Variants in EFCAB5 observed in about 807,000 individuals in gnomAD.
EFCAB5 encodes the protein EF-hand calcium binding domain 5.
A neutral mutation model predicts 167.9 loss-of-function variants in EFCAB5; 131 were observed. The ratio of observed to expected loss-of-function variants is 0.78; its 90% CI spans 0.68 to 0.90. EFCAB5 has a LOEUF of 0.90. EFCAB5 is among the 40% of genes least tolerant of loss of function. The probability of loss-of-function intolerance (pLI) is 0.00; values close to 1 mark genes in which losing one functional copy is unlikely to be tolerated. For synonymous variants in EFCAB5, 574 were observed against 602.8 expected (o/e 0.95, Z 0.70); for missense variants, 1,663 against 1,745.2 (o/e 0.95, Z 0.84).
chr17:30,047,909 C>T (rs914631483), intron 8 of EFCAB5, among the ~76,000 whole-genome samples: 1 of 152,068 alleles, frequency 6.6e-6, no homozygotes, highest in Non-Finnish European at 1.5e-5. Flanking sequence ...GGGAAGAATT[C>T]GACAAGACTT....
Position 30,040,312 on chromosome 17 carries a change from C to T in EFCAB5, c.1200+5927C>T, listed in dbSNP as rs58126602. 2.7e-4 allele frequency among the ~76,000 whole-genome samples: 41 copies of T among 152,322 alleles called. No homozygotes were observed. The East Asian group carries it at 6.6e-3, about 24-fold the overall frequency. On this transcript the variant is annotated intron_variant, in intron 8 of 22. Coordinates refer to ENST00000394835, the MANE Select transcript of EFCAB5 (RefSeq NM_198529.4). ...TCCAATGACAAGGGGAAAAATTTGG[C>T]GTTCCTTGGAGACTTAACAGGATGC...
At chr17:30,034,540 T>C (rs1391441242) in intron 8 of EFCAB5, among the ~76,000 whole-genome samples, 155 bp downstream of exon 8, 1 of 152,170 alleles carries the variant, frequency 6.6e-6, no homozygotes, top group East Asian at 1.9e-4. Flanking sequence ...ATCTACAAAA[T>C]AGATACAAAC....
At chr17:30,099,440 T>A (rs1194168209) in intron 22 of EFCAB5, among the ~76,000 whole-genome samples, 1 of 146,376 alleles carries the variant, frequency 6.8e-6, no homozygotes, top group Non-Finnish European at 1.5e-5. Flanking sequence ...AAAAAAAAAA[T>A]AGGCAAAGAT....
intron 8 of EFCAB5, among the ~76,000 whole-genome samples, chr17:30,042,154 G>A (rs776358484): frequency 2.7e-4 from 41 of 151,804 alleles, no homozygotes; most frequent in African/African-American, 8.2e-4. Context: ...GATTACAGGC[G>A]CGCACCACCA....
chr17:29,966,192 G>C (rs778821689), intron 3 of EFCAB5, among the ~76,000 whole-genome samples: 1 of 152,100 alleles, frequency 6.6e-6, no homozygotes, highest in Non-Finnish European at 1.5e-5. Flanking sequence ...ATTACAAATG[G>C]AAACTCCATT....
chr17:30,099,409 AAAGT>A (rs1186103648), intron 22 of EFCAB5, among the ~76,000 whole-genome samples: 3 of 149,598 alleles, frequency 2.0e-5, no homozygotes, highest in South Asian at 2.2e-4. Context: ...CCTGGGCAAC[AAAGT>A]AAGACTTAAT....
At chr17:29,980,987 T>C (rs1262445043) in intron 4 of EFCAB5, among the ~76,000 whole-genome samples, 5 of 152,210 alleles carry the variant, frequency 3.3e-5, no homozygotes, top group Non-Finnish European at 7.3e-5. Context: ...TTAAATTTGT[T>C]CATTTCTGAC....
intron 8 of EFCAB5, among the ~76,000 whole-genome samples, chr17:30,039,648 A>G (rs756322725): frequency 2.0e-5 from 3 of 152,158 alleles, no homozygotes; most frequent in Non-Finnish European, 4.4e-5. Context: ...CCGAGGAGGG[A>G]TGTGCCGACT....
chr17:30,082,390 C>CTT (rs71138871), intron 17 of EFCAB5, among the ~76,000 whole-genome samples: 3,239 of 98,174 alleles, frequency 0.033, 108 homozygotes, highest in African/African-American at 0.045. Flanking sequence ...CTTTATACCT[C>CTT]TTTTTTTTTT....
intron 3 of EFCAB5, among the ~76,000 whole-genome samples, chr17:29,950,178 A>G (rs77259528): frequency 0.064 from 9,705 of 152,222 alleles, 579 homozygotes; most frequent in African/African-American, 0.16. Flanking sequence ...TCTATCGAAC[A>G]TGAGGACAAT....
At chr17:30,036,287 CACATATATAATATATAATT>C (rs2069621053) in intron 8 of EFCAB5, among the ~76,000 whole-genome samples, 1 of 61,184 alleles carries the variant, frequency 1.6e-5, no homozygotes, top group Non-Finnish European at 3.3e-5. Flanking sequence ...ATATATAATA[CACATATATAATATATAATT>C]ATATATAATA....
Position 30,055,869 on chromosome 17 carries a change from T to A in EFCAB5, c.2195-19T>A. On this transcript the variant is annotated intron_variant, in intron 10 of 22. Coordinates refer to ENST00000394835, the MANE Select transcript of EFCAB5 (RefSeq NM_198529.4). ...TATGTAATGTCTAATTCATAAGCAT[T>A]TTCATTTGCACCTTTTAGAAACTAC... 6 of 1,607,332 alleles carry A rather than the reference T, an allele frequency of 3.7e-6. No homozygotes were observed. The highest frequency in any genetic ancestry group is 5.1e-6 in the Non-Finnish European group (6 of 1,178,000).
chr17:29,989,560 C>T (rs1324878437), intron 4 of EFCAB5, among the ~76,000 whole-genome samples: 1 of 152,138 alleles, frequency 6.6e-6, no homozygotes, highest in Non-Finnish European at 1.5e-5. Context: ...CTATTAAAGG[C>T]CAATTTTTTG....
Position 29,957,677 on chromosome 17 carries a change from G to A in EFCAB5, c.191-11114G>A, listed in dbSNP as rs1048593630. Among the ~76,000 whole-genome samples the A allele has an allele frequency of 3.7e-4, 56 of 152,122 alleles. 1 individual carries two copies. Among genetic ancestry groups the A allele is most frequent in the Non-Finnish European group, 1.5e-5 (1 of 68,014 alleles). On this transcript the variant is annotated intron_variant, in intron 3 of 22. Transcript: ENST00000394835. ...CATGATCTCATTCCTTTTTATGGCT[G>A]CATAGTATTCCATAGTATATATGTA...
At chr17:30,056,189 G>A in intron 12 of EFCAB5, 33 bp downstream of exon 12, 1 of 1,555,976 alleles carries the variant, frequency 6.4e-7, no homozygotes. Context: ...GGAATAGATG[G>A]CAGTCCAATA....
At chr17:29,994,937 C>T (rs749906554) in intron 5 of EFCAB5, among the ~76,000 whole-genome samples, 53 of 152,000 alleles carry the variant, frequency 3.5e-4, no homozygotes, top group African/African-American at 8.2e-4. Flanking sequence ...TATTAACTGA[C>T]GAAAAACAGG....
chr17:29,942,212 C>A, intron 1 of EFCAB5, 28 bp from the exon 2 acceptor site: 2 of 1,550,372 alleles, frequency 1.3e-6, no homozygotes, highest in Non-Finnish European at 8.7e-7. Context: ...TTTTTGGATG[C>A]CATTTACTAA....
At chr17:30,013,398 T>C (rs1381726002) in intron 7 of EFCAB5, among the ~76,000 whole-genome samples, 3 of 152,212 alleles carry the variant, frequency 2.0e-5, no homozygotes, top group Non-Finnish European at 4.4e-5. Context: ...TCTTTGTACC[T>C]CTGGTAGAAT....
chr17:29,977,360 T>C (rs1407897793), intron 4 of EFCAB5, among the ~76,000 whole-genome samples: 3 of 152,180 alleles, frequency 2.0e-5, no homozygotes, highest in Non-Finnish European at 4.4e-5. Context: ...TATAAAACTT[T>C]TAAGCAGTAA....
Sources: gnomAD v4.1 joint callset for allele counts (sites outside exome capture counted in the v4.1 genomes callset) on GRCh38, gnomAD v4.1.1 for gene constraint, MANE v1.5 for transcripts, NCBI Gene and HGNC (gene_info 2026-07-23, HGNC 2026-07-21) for gene names.